TSHZ2: variants seen among roughly 807,000 people sequenced by gnomAD.
TSHZ2 encodes teashirt zinc finger homeobox 2.
Under a neutral mutation model 74.4 loss-of-function variants are expected in TSHZ2, and 21 were observed. The ratio of observed to expected loss-of-function variants is 0.28; its 90% confidence interval spans 0.20 to 0.41. TSHZ2 has a LOEUF of 0.41. TSHZ2 is among the 10% of genes least tolerant of loss of function. The pLI, the probability that TSHZ2 is intolerant of heterozygous loss-of-function variation, is 1.00. For missense variants in TSHZ2, 1,244 were observed against 1,293.5 expected (o/e 0.96, Z 0.59); for synonymous variants, 540 against 515.3 (o/e 1.05, Z -0.65).
In TSHZ2 at chr20:53,492,702, C is replaced by T. The variant is rs944411228; in HGVS notation, c.*5567C>T. ...CAGTTCTTGCTCTACAGAGCTTTTA[C>T]ACCTTTTTGGGAAACCTGATATCAA... is the stretch of plus-strand genomic sequence containing the variant. On this transcript the variant is annotated 3_prime_UTR_variant, in exon 3 of 3. Coordinates refer to ENST00000371497, the MANE Select transcript of TSHZ2 (RefSeq NM_173485.6). The T allele has an allele frequency of 1.3e-5, 2 of 152,136 alleles. No homozygotes were observed. The highest frequency in any genetic ancestry group is 2.9e-5 in the Non-Finnish European group (2 of 68,030). 9.4% of individuals were successfully genotyped at this position (152,136 alleles called of 1,614,324 possible).
At chr20:53,041,474 G>A (rs1389066199) in intron 1 of TSHZ2, among the ~76,000 whole-genome samples, 2 of 152,106 alleles carry the variant, frequency 1.3e-5, no homozygotes, top group Non-Finnish European at 2.9e-5. Flanking sequence ...GCCAGTTCTG[G>A]GTCACCCATT....
intron 1 of TSHZ2, among the ~76,000 whole-genome samples, chr20:53,160,050 G>A (rs1394336127): frequency 1.3e-5 from 2 of 152,192 alleles, no homozygotes; most frequent in Non-Finnish European, 2.9e-5. Context: ...CATCCCAGAA[G>A]GGAGGGTCCA....
At chr20:53,446,465 G>T (rs1400940127) in intron 2 of TSHZ2, among the ~76,000 whole-genome samples, 1 of 150,062 alleles carries the variant, frequency 6.7e-6, no homozygotes, top group Non-Finnish European at 1.5e-5. Flanking sequence ...GTCCGTCCCA[G>T]CTACTCGGGA....
At chr20:53,273,095 T>C (rs1347656560) in intron 2 of TSHZ2, among the ~76,000 whole-genome samples, 3 of 152,198 alleles carry the variant, frequency 2.0e-5, no homozygotes, top group African/African-American at 7.2e-5. Flanking sequence ...CGGAGTGTCA[T>C]GAGCTGGGCA....
At chr20:53,091,325 A>C (rs1273393372) in intron 1 of TSHZ2, among the ~76,000 whole-genome samples, 1 of 152,164 alleles carries the variant, frequency 6.6e-6, no homozygotes, top group Non-Finnish European at 1.5e-5. Context: ...AGCATTATAA[A>C]ACACAGTCCC....
rs537041501 is a variant in TSHZ2, at chr20:53,274,411, C to G, written c.*8+17840C>G. 2.0e-5 allele frequency among the ~76,000 whole-genome samples: 3 copies of G among 152,348 alleles called. No individual in the cohort carries two copies. The East Asian group carries it at 5.8e-4, about 29-fold the overall frequency. ...CTCTCTCCATTCTGTAATTCAGCTCCCCCTCCTCTGAGCCTCCACAGTAGG... is the reference window on the plus strand; with the variant it reads ...CTCTCTCCATTCTGTAATTCAGCTCGCCCTCCTCTGAGCCTCCACAGTAGG... On this transcript the variant is annotated intron_variant, in intron 2 of 2. Coordinates refer to ENST00000371497, the MANE Select transcript of TSHZ2 (RefSeq NM_173485.6).
chr20:53,122,893 T>C (rs1600701338), intron 1 of TSHZ2, among the ~76,000 whole-genome samples: 1 of 152,210 alleles, frequency 6.6e-6, no homozygotes, highest in South Asian at 2.1e-4. Context: ...TTAAATACAT[T>C]TTCTTTTATT....
intron 2 of TSHZ2, among the ~76,000 whole-genome samples, chr20:53,424,630 G>A (rs896108075): frequency 2.7e-4 from 41 of 151,746 alleles, no homozygotes; most frequent in African/African-American, 7.5e-4. Flanking sequence ...ATAGATAAAC[G>A]TGTGCCATGG....
At chr20:53,114,855 C>A (rs1175892042) in intron 1 of TSHZ2, among the ~76,000 whole-genome samples, 2 of 152,154 alleles carry the variant, frequency 1.3e-5, no homozygotes, top group Non-Finnish European at 2.9e-5. Flanking sequence ...GAAGCAGGAA[C>A]AATGCATATG....
chr20:53,318,031 G>A (rs1047732419), intron 2 of TSHZ2, among the ~76,000 whole-genome samples: 2 of 152,230 alleles, frequency 1.3e-5, no homozygotes, highest in African/African-American at 2.4e-5. Flanking sequence ...CAGACATGTA[G>A]TAGGGGTTCA....
chr20:53,408,253 C>T (rs904045123), intron 2 of TSHZ2, among the ~76,000 whole-genome samples: 3 of 152,168 alleles, frequency 2.0e-5, no homozygotes, highest in Non-Finnish European at 4.4e-5. Context: ...AAGGGTCCTC[C>T]TTCTTCATCC....
intron 2 of TSHZ2, among the ~76,000 whole-genome samples, chr20:53,323,807 A>C (rs1480178199): frequency 6.6e-6 from 1 of 151,430 alleles, no homozygotes; most frequent in Non-Finnish European, 1.5e-5. Flanking sequence ...CAAACTCCTA[A>C]CCTTAGGTGA....
At chr20:53,001,777 G>A (rs1283180957) in intron 1 of TSHZ2, among the ~76,000 whole-genome samples, 1 of 152,138 alleles carries the variant, frequency 6.6e-6, no homozygotes, top group Non-Finnish European at 1.5e-5. Flanking sequence ...AAGGTTTAAC[G>A]TTACGTATGT....
chr20:53,201,810 C>A (rs1457534520), intron 1 of TSHZ2, among the ~76,000 whole-genome samples: 1 of 152,134 alleles, frequency 6.6e-6, no homozygotes, highest in Non-Finnish European at 1.5e-5. Context: ...CATCCCTGGC[C>A]TTGACCCACT....
chr20:53,171,402 C>A (rs764218401), intron 1 of TSHZ2, among the ~76,000 whole-genome samples: 2 of 152,014 alleles, frequency 1.3e-5, no homozygotes, highest in African/African-American at 2.4e-5. Flanking sequence ...AATTATGGTC[C>A]CTTATGAGTC....
intron 1 of TSHZ2, among the ~76,000 whole-genome samples, chr20:53,137,834 G>A (rs913992656): frequency 2.0e-4 from 30 of 152,128 alleles, no homozygotes; most frequent in Non-Finnish European, 3.8e-4. Flanking sequence ...ATTTCCACAA[G>A]TGTAGCGGAT....
chr20:53,183,721 T>C (rs1293384), intron 1 of TSHZ2, among the ~76,000 whole-genome samples: 22,416 of 152,174 alleles, frequency 0.15, 1,750 homozygotes, highest in South Asian at 0.18. Context: ...GGACCTGATT[T>C]CCTGAAATTA....
At chr20:53,218,827 A>C (rs186813960) in intron 1 of TSHZ2, among the ~76,000 whole-genome samples, 64 of 152,370 alleles carry the variant, frequency 4.2e-4, no homozygotes, top group African/African-American at 1.5e-3. Context: ...AAATATTCAT[A>C]TTTATTGAAC....
intron 2 of TSHZ2, among the ~76,000 whole-genome samples, chr20:53,392,825 T>C (rs1184207819): frequency 6.6e-6 from 1 of 152,118 alleles, no homozygotes; most frequent in Non-Finnish European, 1.5e-5. Context: ...AGCATAATAA[T>C]GCAAAAGTAG....
Sources: gnomAD v4.1 joint callset for allele counts (sites outside exome capture counted in the v4.1 genomes callset) on GRCh38, gnomAD v4.1.1 for gene constraint, MANE v1.5 for transcripts, NCBI Gene and HGNC (gene_info 2026-07-23, HGNC 2026-07-21) for gene names.